The following TRIM6 variants were observed in gnomAD, a reference collection of about 807,000 sequenced individuals.
TRIM6 encodes tripartite motif containing 6.
A neutral mutation model predicts 51.2 loss-of-function variants in TRIM6; 43 were observed. That is an observed-to-expected ratio of 0.84 (90% confidence interval 0.66 to 1.08). The LOEUF (loss-of-function observed/expected upper bound fraction) is 1.08. TRIM6 is among the 50% of genes least tolerant of loss of function. The probability of loss-of-function intolerance (pLI) is 0.00; values close to 1 mark genes in which losing one functional copy is unlikely to be tolerated. For synonymous variants in TRIM6, 215 were observed against 232.4 expected (o/e 0.93, Z 0.68); for missense variants, 669 against 619.0 (o/e 1.08, Z -0.86).
In TRIM6 at chr11:5,612,540, A is replaced by G. The variant is rs1848616060; in HGVS notation, c.*1198A>G. On this transcript the variant is annotated 3_prime_UTR_variant, in exon 8 of 8. Coordinates refer to ENST00000380097, the MANE Select transcript of TRIM6 (RefSeq NM_001003818.3). Reference sequence around the variant, plus strand: ...AACACAAAGAGAAAATATGAACAATATAAAGCACTTAAAGGAAGAGGATGA... The same window carrying G: ...AACACAAAGAGAAAATATGAACAATGTAAAGCACTTAAAGGAAGAGGATGA... 1 of 152,256 alleles carries G rather than the reference A, an allele frequency of 6.6e-6. No individual in the cohort carries two copies. The highest frequency in any genetic ancestry group is 1.5e-5 in the Non-Finnish European group (1 of 68,040). The allele number at this position is 152,256 out of a possible 1,614,324, so 9.4% of individuals were successfully genotyped here.
intron 1 of TRIM6, among the ~76,000 whole-genome samples, chr11:5,602,098 A>G (rs1242390647): frequency 6.6e-6 from 1 of 152,152 alleles, no homozygotes; most frequent in East Asian, 1.9e-4. Flanking sequence ...TGGAGCTTAC[A>G]TTTCACTGCG....
Position 5,605,356 on chromosome 11 carries a change from G to C in TRIM6, c.623G>C (p.Arg208Thr), listed in dbSNP as rs1344481080. ...TSWKNQMEPERCRIQTEFNQL... is the reference protein window; with the variant it reads ...TSWKNQMEPETCRIQTEFNQL... ...CTGAAGAATCAGATGGAGCCTGAGA[G>C]ATGCAGGATCCAGACAGAGTTTAAT... Residue 208 changes from arginine (R) to threonine (T), a missense_variant, in exon 4 of 8, where the codon AGA becomes ACA. Transcript: ENST00000380097. 1.2e-6 allele frequency: 2 copies of C among 1,614,168 alleles called. No homozygotes were observed.
chr11:5,608,502 A>G (rs1848360220), intron 5 of TRIM6, 108 bp downstream of exon 5: 4 of 1,520,770 alleles, frequency 2.6e-6, no homozygotes, highest in Non-Finnish European at 3.6e-6. Flanking sequence ...GATTCAAGAG[A>G]GTAGTCTTGA....
intron 4 of TRIM6, among the ~76,000 whole-genome samples, chr11:5,607,118 G>C (rs978201886): frequency 2.0e-5 from 3 of 152,146 alleles, no homozygotes; most frequent in Non-Finnish European, 4.4e-5. Context: ...GCAGGAGAAT[G>C]GCGCGAACCC....
At position 5,604,592 on chromosome 11, in the gene TRIM6, T is replaced by C. The variant is rs1439376450; in HGVS notation, c.566T>C (p.Leu189Pro). The C allele has an allele frequency of 1.9e-6, 3 of 1,613,114 alleles. No homozygotes were observed. The highest frequency in any genetic ancestry group is 1.1e-5 in the South Asian group (1 of 90,748). ...LKNEEQEAEKLTAFIREKKTS... is the reference protein window; with the variant it reads ...LKNEEQEAEKPTAFIREKKTS... ...AACGAGGAGCAGGAAGCTGAGAAGC[T>C]AACAGCTTTTATCAGAGAGAAGAAA... Residue 189 changes from leucine (L) to proline (P), a missense_variant, in exon 3 of 8, where the codon CTA (leucine) becomes CCA (proline). By Grantham distance (98) the Leu-to-Pro change is moderately conservative. Coordinates refer to ENST00000380097, the MANE Select transcript of TRIM6 (RefSeq NM_001003818.3).
Position 5,596,896 on chromosome 11 carries a change from A to G in TRIM6, c.-2A>G. The G allele has an allele frequency of 6.2e-7, 1 of 1,613,952 alleles. No individual in the cohort carries two copies. The highest frequency in any genetic ancestry group is 1.1e-5 in the South Asian group (1 of 91,078). On this transcript the variant is annotated 5_prime_UTR_variant, in exon 1 of 8. Transcript: ENST00000380097. ...GGAACTTCTTGGCTTCTCATTCCCC[A>G]GATGTGCGGGTCAGAGAGGTATGTC...
chr11:5,611,023 A>T lies in TRIM6; in HGVS notation c.1232A>T (p.Asn411Ile). 6.2e-7 allele frequency: 1 copy of T among 1,614,064 alleles called. No individual in the cohort carries two copies. Among genetic ancestry groups the T allele is most frequent in the African/African-American group, 1.3e-5 (1 of 74,990 alleles). Residue 411 changes from asparagine (N) to isoleucine (I), a missense_variant, in exon 8 of 8, where the codon AAC (asparagine) becomes ATC (isoleucine). Asn to Ile is a moderately radical substitution (Grantham distance 149). Transcript: ENST00000380097. The part of the protein sequence containing the change: ...SNSLGPTFSF[N>I]HFAQNHSAYS... ...TCACTGGGACCTACATTCTCTTTCAACCATTTTGCTCAAAATCACAGTGCT... is the reference window on the plus strand; with the variant it reads ...TCACTGGGACCTACATTCTCTTTCATCCATTTTGCTCAAAATCACAGTGCT...
rs750436924 is a variant in TRIM6, at chr11:5,610,479, C to G, written c.959-56C>G. The G allele has an allele frequency of 5.1e-5, 83 of 1,613,414 alleles. No homozygotes were observed. The Middle Eastern group carries it at 1.2e-3, about 22-fold the overall frequency. On this transcript the variant is annotated intron_variant, in intron 6 of 7. Coordinates refer to ENST00000380097, the MANE Select transcript of TRIM6 (RefSeq NM_001003818.3). ...CCTCAATGTAGTAAGGAGAGAGATACCAGACATGAGACAGTTGGTCCTATT... is the reference window on the plus strand; with the variant it reads ...CCTCAATGTAGTAAGGAGAGAGATAGCAGACATGAGACAGTTGGTCCTATT...
intron 3 of TRIM6, 69 bp from the exon 4 acceptor site, chr11:5,605,268 C>T (rs1848136956): frequency 6.2e-7 from 1 of 1,606,816 alleles, no homozygotes; most frequent in Non-Finnish European, 8.5e-7. Flanking sequence ...GCCCAACTTC[C>T]CCGCTTTTAA....
rs187868924 is a variant in TRIM6 at position 5,609,787 on chromosome 11, G to T, written c.858-358G>T. ...TATACAAGAAAATTAGCCAGGCGTGGTGGCACGCGCCTGTAGTCCCAGCTA... is the reference window on the plus strand; with the variant it reads ...TATACAAGAAAATTAGCCAGGCGTGTTGGCACGCGCCTGTAGTCCCAGCTA... On this transcript the variant is annotated intron_variant, in intron 5 of 7. Coordinates refer to ENST00000380097, the MANE Select transcript of TRIM6 (RefSeq NM_001003818.3). 2.0e-3 allele frequency among the ~76,000 whole-genome samples: 312 copies of T among 152,282 alleles called. 2 individuals are homozygous for T. Among genetic ancestry groups the T allele is most frequent in the African/African-American group, 7.2e-3 (300 of 41,554 alleles).
rs763790811 is a variant in TRIM6, at chr11:5,610,833, C to T, written c.1042C>T (p.Arg348Trp). The T allele has an allele frequency of 9.9e-6, 16 of 1,614,132 alleles. No homozygotes were observed. The highest frequency in any genetic ancestry group is 5.5e-5 in the South Asian group (5 of 91,074). The change falls in exon 8 of 8, where the codon CGG becomes TGG. Residue 348 changes from arginine (R) to tryptophan (W), a missense_variant. Physicochemically the swap from Arg to Trp is moderately radical, Grantham distance 101. Coordinates refer to ENST00000380097, the MANE Select transcript of TRIM6 (RefSeq NM_001003818.3). ...TTTAAATCTTGTCCTGGCTAAAAAC[C>T]GGAGACAAGTGAGGTTTGTGGGAGC... ...ANLNLVLAKN[R>W]RQVRFVGAKV...
intron 5 of TRIM6, 143 bp from the exon 6 acceptor site, chr11:5,610,002 G>A (rs1848476681): frequency 1.3e-6 from 1 of 755,814 alleles, no homozygotes; most frequent in Non-Finnish European, 2.1e-6. Flanking sequence ...TGGCTCCAGT[G>A]CCAGGGCTGT....
chr11:5,603,145 C>A, intron 1 of TRIM6, 101 bp from the exon 2 acceptor site: 1 of 1,510,762 alleles, frequency 6.6e-7, no homozygotes, highest in Non-Finnish European at 8.8e-7. Context: ...CCCTTGTTAC[C>A]CCAGGTGTCT....
chr11:5,611,198 T>C lies in TRIM6; in HGVS notation c.1407T>C (p.Ala469=), dbSNP rs536752239. 5 of 1,614,050 alleles carry C rather than the reference T, an allele frequency of 3.1e-6. No homozygotes were observed. Among genetic ancestry groups the C allele is most frequent in the Non-Finnish European group, 4.2e-6 (5 of 1,180,042 alleles). The part of the protein sequence containing the change: ...RRVGVFLDYE[A]GTVSFYNVTN... ...TTGGGGTTTTCTTAGATTATGAGGC[T>C]GGTACTGTCTCCTTTTATAATGTCA... The change falls in exon 8 of 8, where the codon GCT becomes GCC. Residue 469 remains alanine, a synonymous_variant. Transcript: ENST00000380097.
chr11:5,605,669 G>A (rs3763881), intron 4 of TRIM6, 102 bp downstream of exon 4: 549,085 of 1,386,106 alleles, frequency 0.4, 110,752 homozygotes, highest in South Asian at 0.52. Context: ...AGGGACAAGA[G>A]AAAACATTCC....
At chr11:5,603,116 T>G (rs1847968034) in intron 1 of TRIM6, 130 bp from the exon 2 acceptor site, 2 of 1,443,392 alleles carry the variant, frequency 1.4e-6, no homozygotes, top group Admixed American at 2.5e-5. Flanking sequence ...AAGAACGTAT[T>G]GGATATGAGA....
rs763240127 is a variant in TRIM6 at position 5,605,382 on chromosome 11, C to G, written c.649C>G (p.Gln217Glu). 2.5e-6 allele frequency: 4 copies of G among 1,614,020 alleles called. No individual in the cohort carries two copies. The highest frequency in any genetic ancestry group is 2.5e-6 in the Non-Finnish European group (3 of 1,180,030). ...ATGCAGGATCCAGACAGAGTTTAAT[C>G]AGCTGCGAAATATCCTAGACAGAGT... is the stretch of plus-strand genomic sequence containing the variant. The part of the protein sequence containing the change: ...ERCRIQTEFN[Q>E]LRNILDRVEQ... Residue 217 changes from glutamine (Q) to glutamate (E), a missense_variant, in exon 4 of 8, where the codon CAG becomes GAG. Coordinates refer to ENST00000380097, the MANE Select transcript of TRIM6 (RefSeq NM_001003818.3).
At chr11:5,608,813 C>T (rs2133858874) in intron 5 of TRIM6, among the ~76,000 whole-genome samples, 1 of 149,806 alleles carries the variant, frequency 6.7e-6, no homozygotes, top group African/African-American at 2.5e-5. Flanking sequence ...TTTATAGTTA[C>T]CTCAAAATAC....
Position 5,601,539 on chromosome 11 carries a change from C to G in TRIM6, c.18-1707C>G, listed in dbSNP as rs190731210. Among the ~76,000 whole-genome samples, 333 of 152,240 alleles carry G rather than the reference C, an allele frequency of 2.2e-3. 3 individuals carry two copies. Among genetic ancestry groups the G allele is most frequent in the African/African-American group, 7.5e-3 (311 of 41,554 alleles). On this transcript the variant is annotated intron_variant, in intron 1 of 7. Coordinates refer to ENST00000380097, the MANE Select transcript of TRIM6 (RefSeq NM_001003818.3). ...TTGGGAGGCCAAGGCAGGCAGATCA[C>G]TTGAGGTCAGGAGTTCGAGATCAGC...
Sources: gnomAD v4.1 joint callset for allele counts (sites outside exome capture counted in the v4.1 genomes callset) on GRCh38, gnomAD v4.1.1 for gene constraint, MANE v1.5 for transcripts, NCBI Gene and HGNC (gene_info 2026-07-23, HGNC 2026-07-21) for gene names.